SEMA3A: variants seen among roughly 807,000 people sequenced by gnomAD.
The protein encoded by SEMA3A is semaphorin-3A.
A neutral mutation model predicts 97.9 loss-of-function variants in SEMA3A; 29 were observed. The ratio of observed to expected loss-of-function variants is 0.30; its 90% CI spans 0.22 to 0.40. The LOEUF (loss-of-function observed/expected upper bound fraction) is 0.40, where lower values mean the gene tolerates loss of function less well. Ranked by LOEUF, SEMA3A falls within the 10% of genes least tolerant of loss-of-function variation. SEMA3A has a pLI of 1.00. For missense variants in SEMA3A, 763 were observed against 951.3 expected (o/e 0.80, Z 2.60); for synonymous variants, 321 against 323.7 (o/e 0.99, Z 0.09).
chr7:84,209,597 G>A (rs901601751), intron 3 of SEMA3A, among the ~76,000 whole-genome samples: 5 of 152,010 alleles, frequency 3.3e-5, no homozygotes, highest in Non-Finnish European at 5.9e-5. Flanking sequence ...CAAAACCATA[G>A]TATAAAATGT....
intron 1 of SEMA3A, among the ~76,000 whole-genome samples, chr7:84,451,619 A>G (rs1805558602): frequency 6.6e-6 from 1 of 152,158 alleles, no homozygotes; most frequent in Admixed American, 6.5e-5. Context: ...CTTGTTTATA[A>G]AGCCTCTACA....
intron 3 of SEMA3A, among the ~76,000 whole-genome samples, chr7:84,286,873 A>T: frequency 6.6e-6 from 1 of 152,258 alleles, no homozygotes; most frequent in Admixed American, 6.5e-5. Flanking sequence ...ATGTATTTCC[A>T]AGGATCTAAA....
At chr7:84,383,206 G>A (rs907856162) in intron 1 of SEMA3A, among the ~76,000 whole-genome samples, 4 of 151,914 alleles carry the variant, frequency 2.6e-5, no homozygotes, top group Non-Finnish European at 5.9e-5. Flanking sequence ...ATATATTTAA[G>A]AAATTGAAAA....
intron 1 of SEMA3A, among the ~76,000 whole-genome samples, chr7:84,147,601 C>T (rs10263183): frequency 0.22 from 34,017 of 152,000 alleles, 3,924 homozygotes; most frequent in South Asian, 0.27. Context: ...TGGCTGGCGG[C>T]AGAAATTACC....
chr7:84,005,321 T>A lies in SEMA3A; in HGVS notation c.1360+18A>T. Reference sequence around the variant, plus strand: ...TAGTGTTCGGAAAAAAGTTTACAGCTGAAATTTAAAAATTTACCTGTTCCG... The same window carrying A: ...TAGTGTTCGGAAAAAAGTTTACAGCAGAAATTTAAAAATTTACCTGTTCCG... On this transcript the variant is annotated intron_variant, in intron 11 of 16. Transcript: ENST00000265362. 6.3e-7 allele frequency: 1 copy of A among 1,587,650 alleles called. No homozygotes were observed. Among genetic ancestry groups the A allele is most frequent in the African/African-American group, 1.3e-5 (1 of 74,466 alleles).
chr7:84,035,473 AC>A lies in SEMA3A; in HGVS notation c.667+10850del, dbSNP rs544013992. Among the ~76,000 whole-genome samples, 462 of 152,214 alleles carry A rather than the reference AC, an allele frequency of 3.0e-3. 4 individuals are homozygous for A. Among genetic ancestry groups the A allele is most frequent in the Non-Finnish European group, 4.6e-3 (310 of 67,928 alleles). ...ATCATTGATTAAGATGAAAAAAATT[AC>A]TTAAGAAAATTATTTAGAACATGTA... On this transcript the variant is annotated intron_variant, in intron 6 of 16. Coordinates refer to ENST00000265362, the MANE Select transcript of SEMA3A (RefSeq NM_006080.3).
chr7:84,406,809 T>A (rs1161084904), intron 1 of SEMA3A, among the ~76,000 whole-genome samples: 2 of 152,220 alleles, frequency 1.3e-5, no homozygotes, highest in African/African-American at 4.8e-5. Flanking sequence ...ACCACATGAT[T>A]ATCTCAATAG....
chr7:84,406,402 A>G (rs1804089348), intron 1 of SEMA3A, among the ~76,000 whole-genome samples: 1 of 152,098 alleles, frequency 6.6e-6, no homozygotes, highest in Admixed American at 6.5e-5. Context: ...TTGAGGCAAT[A>G]ATTAATAGTT....
At chr7:84,052,952 G>A (rs943287085) in intron 5 of SEMA3A, among the ~76,000 whole-genome samples, 5 of 151,270 alleles carry the variant, frequency 3.3e-5, no homozygotes, top group Non-Finnish European at 5.9e-5. Context: ...CTTTATTTCT[G>A]CCTTCATTTC....
chr7:84,427,016 T>G (rs1301544481), intron 1 of SEMA3A, among the ~76,000 whole-genome samples: 3 of 152,164 alleles, frequency 2.0e-5, no homozygotes, highest in Admixed American at 6.6e-5. Flanking sequence ...ACATGCATAA[T>G]GAACGCATAG....
intron 4 of SEMA3A, among the ~76,000 whole-genome samples, chr7:84,086,872 A>G (rs555135337): frequency 2.0e-5 from 3 of 151,708 alleles, no homozygotes; most frequent in East Asian, 1.9e-4. Context: ...ATACTCCACT[A>G]AACTTTATAA....
intron 1 of SEMA3A, among the ~76,000 whole-genome samples, chr7:84,462,867 T>C (rs1308580211): frequency 6.6e-6 from 1 of 152,160 alleles, no homozygotes; most frequent in Non-Finnish European, 1.5e-5. Flanking sequence ...TCTCACAAGG[T>C]CTCAAAATAC....
chr7:84,431,840 A>G (rs2116320484), intron 1 of SEMA3A, among the ~76,000 whole-genome samples: 1 of 152,100 alleles, frequency 6.6e-6, no homozygotes, highest in East Asian at 1.9e-4. Context: ...GTTGAGTAGT[A>G]GAGGACTATA....
chr7:84,246,354 T>TA (rs1241297395), intron 3 of SEMA3A, among the ~76,000 whole-genome samples: 2 of 152,202 alleles, frequency 1.3e-5, no homozygotes, highest in African/African-American at 4.8e-5. Flanking sequence ...AAAAGTGGTT[T>TA]AAAAATGCAC....
chr7:83,972,072 CACAT>C (rs1245775458), intron 15 of SEMA3A, among the ~76,000 whole-genome samples: 1 of 151,602 alleles, frequency 6.6e-6, no homozygotes, highest in Non-Finnish European at 1.5e-5. Context: ...CATATATATA[CACAT>C]ACATATACAT....
At chr7:83,965,993 TA>T (rs1331056926) in intron 15 of SEMA3A, among the ~76,000 whole-genome samples, 16 of 150,464 alleles carry the variant, frequency 1.1e-4, no homozygotes, top group East Asian at 9.9e-4. Context: ...ATGGGTGCAT[TA>T]AAAAAAAATC....
chr7:84,160,732 T>A (rs1296360452), intron 1 of SEMA3A, among the ~76,000 whole-genome samples: 1 of 151,228 alleles, frequency 6.6e-6, no homozygotes, highest in Admixed American at 6.6e-5. Context: ...ACAAAAAAAT[T>A]ACTTGGGGGT....
intron 3 of SEMA3A, among the ~76,000 whole-genome samples, chr7:84,224,227 G>A (rs1380515916): frequency 6.6e-6 from 1 of 151,984 alleles, no homozygotes; most frequent in Non-Finnish European, 1.5e-5. Flanking sequence ...ACCTATGTAA[G>A]AGATGACACT....
upstream of SEMA3A, among the ~76,000 whole-genome samples, chr7:84,197,524 T>A (rs1465352169): frequency 6.6e-6 from 1 of 152,124 alleles, no homozygotes; most frequent in East Asian, 1.9e-4. Flanking sequence ...TGCCTTCTCA[T>A]TCGACTTTGC....
Sources: gnomAD v4.1 joint callset for allele counts (sites outside exome capture counted in the v4.1 genomes callset) on GRCh38, gnomAD v4.1.1 for gene constraint, MANE v1.5 for transcripts, NCBI Gene and HGNC (gene_info 2026-07-23, HGNC 2026-07-21) for gene names.